The following MCPH1 variants were observed in gnomAD, a reference collection of about 807,000 sequenced individuals.
MCPH1 encodes the protein microcephalin 1.
In MCPH1, 104 loss-of-function variants were observed where a neutral mutation model predicts 84.5. The ratio of observed to expected loss-of-function variants is 1.23; its 90% CI spans 1.05 to 1.45. MCPH1 has a LOEUF of 1.45. Among genes scored for constraint, MCPH1 ranks in the 40% most tolerant of loss-of-function variants. The pLI is 0.00. For synonymous variants in MCPH1, 514 were observed against 366.8 expected, an observed-to-expected ratio of 1.40 and a Z score of -4.58; for missense variants, 1,498 against 1,005.7, an observed-to-expected ratio of 1.49 and a Z score of -6.62.
At position 6,431,542 on chromosome 8, in the gene MCPH1, G is replaced by A. The variant is rs776622094; in HGVS notation, c.277G>A (p.Ala93Thr). The A allele has an allele frequency of 1.8e-5, 29 of 1,613,136 alleles. No individual in the cohort carries two copies. Among genetic ancestry groups the A allele is most frequent in the African/African-American group, 2.7e-5 (2 of 74,752 alleles). ...GAHIDESLFP[A>T]ANMNEHLSSL... Reference sequence around the variant, plus strand: ...ACACATTGATGAATCATTGTTCCCTGCAGCTAATATGAATGAACACTTATC... The same window carrying A: ...ACACATTGATGAATCATTGTTCCCTACAGCTAATATGAATGAACACTTATC... Residue 93 changes from alanine to threonine, a missense_variant, in exon 4 of 14, where the codon GCA becomes ACA. By Grantham distance (58) the Ala-to-Thr change is moderately conservative. Coordinates refer to ENST00000344683, the MANE Select transcript of MCPH1 (RefSeq NM_024596.5).
At chr8:6,480,987 C>T in intron 11 of MCPH1, 111 bp downstream of exon 11, 2 of 1,274,810 alleles carry the variant, frequency 1.6e-6, no homozygotes, top group Non-Finnish European at 2.2e-6. Flanking sequence ...TGTGGATCTG[C>T]ACACTTTCCT....
chr8:6,446,424 A>T, intron 8 of MCPH1: 2 of 985,398 alleles, frequency 2.0e-6, no homozygotes, highest in Non-Finnish European at 1.2e-6. Context: ...GTTTGAAATC[A>T]TCACAGACAT....
intron 13 of MCPH1, among the ~76,000 whole-genome samples, chr8:6,637,124 C>G (rs1338505607): frequency 3.3e-5 from 5 of 152,230 alleles, no homozygotes; most frequent in South Asian, 4.1e-4. Flanking sequence ...GTAGATATTT[C>G]CTACACACTC....
intron 12 of MCPH1, among the ~76,000 whole-genome samples, chr8:6,567,581 C>CG (rs1013224316): frequency 2.4e-4 from 37 of 152,292 alleles, no homozygotes; most frequent in African/African-American, 8.7e-4. Flanking sequence ...CATGGATGGG[C>CG]GCTCAGCTGT....
chr8:6,415,659 A>T (rs1799175747), intron 3 of MCPH1, among the ~76,000 whole-genome samples: 1 of 152,036 alleles, frequency 6.6e-6, no homozygotes, highest in South Asian at 2.1e-4. Context: ...CGGCCCACAC[A>T]GTTTTGATTA....
At chr8:6,636,779 C>G (rs1797589049) in intron 13 of MCPH1, among the ~76,000 whole-genome samples, 1 of 152,138 alleles carries the variant, frequency 6.6e-6, no homozygotes, top group African/African-American at 2.4e-5. Context: ...TCTCATTGTC[C>G]ATTCCAAAAA....
chr8:6,533,481 T>C (rs1819914120), intron 12 of MCPH1, among the ~76,000 whole-genome samples: 2 of 152,050 alleles, frequency 1.3e-5, no homozygotes, highest in South Asian at 4.1e-4. Context: ...GGGTTTCTGG[T>C]TGGTCAGAGG....
chr8:6,602,909 A>T (rs1473286843), intron 12 of MCPH1, among the ~76,000 whole-genome samples: 2 of 152,006 alleles, frequency 1.3e-5, no homozygotes, highest in Non-Finnish European at 2.9e-5. Context: ...AATAGAAAAT[A>T]TATATATATG....
chr8:6,617,289 G>GTTTTTTTT (rs1241241625), intron 12 of MCPH1: 1 of 77,374 alleles, frequency 1.3e-5, no homozygotes. Context: ...TTTTTTTTTT[G>GTTTTTTTT]TTTTTTTTGA....
chr8:6,469,437 G>T (rs1425971357), intron 9 of MCPH1, among the ~76,000 whole-genome samples: 3 of 152,074 alleles, frequency 2.0e-5, no homozygotes, highest in African/African-American at 7.2e-5. Context: ...CTCAGGATGG[G>T]ATTTGAAGAC....
At chr8:6,616,615 A>G (rs2936501) in intron 12 of MCPH1, 60,525 of 152,136 alleles carry the variant, frequency 0.4, 12,191 homozygotes, top group African/African-American at 0.45. Context: ...CAGGGCTCCT[A>G]GGAGGAGCTC....
chr8:6,626,838 C>T (rs890394870), intron 13 of MCPH1: 15 of 985,048 alleles, frequency 1.5e-5, no homozygotes, highest in Non-Finnish European at 1.8e-5. Context: ...CTCCCTGCTG[C>T]TGTTATCACG....
rs576120941 is a variant in MCPH1, at chr8:6,638,902, G to A, written c.2453-4092G>A. Among the ~76,000 whole-genome samples the A allele has an allele frequency of 3.2e-3, 492 of 152,300 alleles. 7 individuals carry two copies. Among genetic ancestry groups the A allele is most frequent in the Non-Finnish European group, 5.1e-3 (349 of 68,028 alleles). ...CGGCCCTTGTTCAGTGGTCAGATGC[G>A]CTTCAGACCTCCCAGAGTGCTGCCC... On this transcript the variant is annotated intron_variant, in intron 13 of 13. Transcript: ENST00000344683.
intron 12 of MCPH1, among the ~76,000 whole-genome samples, chr8:6,567,392 G>T (rs1316790612): frequency 1.3e-5 from 2 of 152,218 alleles, no homozygotes; most frequent in African/African-American, 4.8e-5. Context: ...AGTGCACACG[G>T]TGCAGTGACC....
intron 12 of MCPH1, among the ~76,000 whole-genome samples, chr8:6,514,283 A>AG (rs1815791086): frequency 6.6e-6 from 1 of 152,162 alleles, no homozygotes; most frequent in Non-Finnish European, 1.5e-5. Context: ...TCTGCCTCCC[A>AG]GGTTCAAGCG....
At chr8:6,499,512 T>C (rs1811733646) in intron 11 of MCPH1, 1 of 157,648 alleles carries the variant, frequency 6.3e-6, no homozygotes, top group South Asian at 1.9e-4. Flanking sequence ...TTACAGAGGA[T>C]TGTTTATAAA....
At chr8:6,520,472 C>G (rs892184830) in intron 12 of MCPH1, among the ~76,000 whole-genome samples, 4 of 151,956 alleles carry the variant, frequency 2.6e-5, no homozygotes, top group South Asian at 2.1e-4. Flanking sequence ...CTCAGCTTAC[C>G]GCATCCTCCT....
At position 6,647,083 on chromosome 8, in the gene MCPH1, T is replaced by A. The variant is rs1293624623; in HGVS notation, c.*4034T>A. The A allele has an allele frequency of 6.6e-6, 1 of 152,036 alleles. No homozygotes were observed. The highest frequency in any genetic ancestry group is 1.5e-5 in the Non-Finnish European group (1 of 68,008). 9.4% of individuals were successfully genotyped at this position (152,036 alleles called of 1,614,324 possible). On this transcript the variant is annotated 3_prime_UTR_variant, in exon 14 of 14. Transcript: ENST00000344683. ...ATAAAGGACTTGTACCCAGACCATG[T>A]AAAGAACTCATAACTCATTAATAAA...
intron 12 of MCPH1, among the ~76,000 whole-genome samples, chr8:6,520,799 G>A (rs1342087949): frequency 6.6e-6 from 1 of 152,162 alleles, no homozygotes; most frequent in African/African-American, 2.4e-5. Context: ...TCTCTTAAGT[G>A]CCATTGTATT....
Sources: allele counts gnomAD v4.1 joint callset (sites outside exome capture counted in the v4.1 genomes callset), GRCh38; gene constraint gnomAD v4.1.1; transcripts MANE v1.5; gene names NCBI Gene and HGNC (gene_info 2026-07-23, HGNC 2026-07-21).